Variants in PATJ observed in about 807,000 individuals in gnomAD.
PATJ encodes inaD-like protein.
A neutral mutation model predicts 224.9 loss-of-function variants in PATJ; 190 were observed. That is an observed-to-expected ratio of 0.84 (90% CI 0.75 to 0.95). The LOEUF (loss-of-function observed/expected upper bound fraction) is 0.95. Among genes scored for constraint, PATJ ranks in the 40% least tolerant of loss-of-function variants. The pLI, the probability that PATJ is intolerant of heterozygous loss-of-function variation, is 0.00. For synonymous variants in PATJ, 769 were observed against 820.3 expected (o/e 0.94, Z 1.07); for missense variants, 2,121 against 2,270.3 (o/e 0.93, Z 1.34).
intron 1 of PATJ, among the ~76,000 whole-genome samples, chr1:61,756,344 C>T (rs1324647302): frequency 6.6e-6 from 1 of 152,024 alleles, no homozygotes; most frequent in Non-Finnish European, 1.5e-5. Context: ...AGTGGTTCTT[C>T]AGTTGTGGTG....
intron 27 of PATJ, among the ~76,000 whole-genome samples, chr1:61,930,434 C>CATG (rs1304093095): frequency 6.6e-6 from 1 of 152,204 alleles, no homozygotes; most frequent in African/African-American, 2.4e-5. Flanking sequence ...AAGACTAAGC[C>CATG]TTTGTTTTTA....
intron 7 of PATJ, among the ~76,000 whole-genome samples, chr1:61,780,096 G>C (rs985341380): frequency 5.3e-5 from 8 of 152,124 alleles, no homozygotes; most frequent in South Asian, 2.1e-4. Context: ...ATGAGGTTTG[G>C]GGGGGACAAA....
chr1:61,858,298 C>CGTCAT (rs1664015026), intron 18 of PATJ, among the ~76,000 whole-genome samples: 1 of 152,092 alleles, frequency 6.6e-6, no homozygotes, highest in African/African-American at 2.4e-5. Flanking sequence ...AGCCTCACTC[C>CGTCAT]GTCATCCAAG....
Position 62,158,930 on chromosome 1 carries a change from CAA to C in PATJ, c.5503-1977_5503-1976del, listed in dbSNP as rs571840412. On this transcript the variant is annotated intron_variant, in intron 43 of 43. Coordinates refer to ENST00000642238, the MANE Select transcript of PATJ (RefSeq NM_001350145.3). ...CACCATTGCACTCCAGCCTGGGCGACAAGAGTGAAACTCCTTCTCAAAAAAAT... is the reference window on the plus strand; with the variant it reads ...CACCATTGCACTCCAGCCTGGGCGACGAGTGAAACTCCTTCTCAAAAAAAT... Among the ~76,000 whole-genome samples the C allele has an allele frequency of 5.3e-3, 798 of 151,970 alleles. 8 individuals carry two copies. Among genetic ancestry groups the C allele is most frequent in the African/African-American group, 0.018 (749 of 41,450 alleles).
At chr1:61,943,812 A>G (rs1279223076) in intron 27 of PATJ, among the ~76,000 whole-genome samples, 1 of 152,166 alleles carries the variant, frequency 6.6e-6, no homozygotes, top group East Asian at 1.9e-4. Flanking sequence ...ACCCCCGAGT[A>G]GCCTAACTGG....
Position 62,084,649 on chromosome 1 carries a change from G to C in PATJ, c.4377+1G>C. 6.2e-7 allele frequency: 1 copy of C among 1,611,952 alleles called. No individual in the cohort carries two copies. The highest frequency in any genetic ancestry group is 8.5e-7 in the Non-Finnish European group (1 of 1,179,232). On this transcript the variant is annotated splice_donor_variant, in intron 33 of 43. Transcript: ENST00000642238. LOFTEE classifies it high-confidence loss of function. ...TGTGGGAGGAAAAGACACACCCTTG[G>C]TAAGTTTCTAGAAATAAAATGTATC...
intron 14 of PATJ, among the ~76,000 whole-genome samples, chr1:61,813,364 T>TAC (rs1553167528): frequency 2.0e-5 from 1 of 50,902 alleles, no homozygotes; most frequent in Admixed American, 2.6e-4. Context: ...TATATATATA[T>TAC]ATATATATAT....
chr1:62,036,871 C>CAAAAAAAAAA (rs55761910), intron 29 of PATJ, among the ~76,000 whole-genome samples: 4,294 of 67,266 alleles, frequency 0.064, 684 homozygotes, highest in African/African-American at 0.23. Flanking sequence ...GACTCCATCT[C>CAAAAAAAAAA]AAAAAAAAAA....
chr1:62,081,568 T>A (rs1323500788), intron 32 of PATJ, among the ~76,000 whole-genome samples: 1 of 152,220 alleles, frequency 6.6e-6, no homozygotes. Context: ...TTTATTTACT[T>A]ATCTATTTAT....
intron 30 of PATJ, among the ~76,000 whole-genome samples, chr1:62,048,008 G>A (rs964595634): frequency 2.6e-5 from 4 of 152,174 alleles, no homozygotes; most frequent in Non-Finnish European, 4.4e-5. Flanking sequence ...AGAAATGAGA[G>A]CATCATTTAT....
chr1:61,933,495 C>T (rs895784931), intron 27 of PATJ, among the ~76,000 whole-genome samples: 20 of 148,222 alleles, frequency 1.3e-4, no homozygotes, highest in Non-Finnish European at 4.4e-5. Context: ...GAGCCGAGAT[C>T]GTGCCACTGC....
At chr1:61,869,810 C>T (rs887381601) in intron 20 of PATJ, among the ~76,000 whole-genome samples, 8 of 152,342 alleles carry the variant, frequency 5.3e-5, no homozygotes, top group Non-Finnish European at 5.9e-5. Context: ...TCACTCAGAC[C>T]TGCAGCGTTC....
chr1:61,909,300 T>G (rs974590857), intron 25 of PATJ, among the ~76,000 whole-genome samples: 2 of 152,216 alleles, frequency 1.3e-5, no homozygotes, highest in African/African-American at 4.8e-5. Flanking sequence ...CTTCTGTAAT[T>G]AATTACTCCT....
chr1:62,108,804 A>C (rs946340086), intron 34 of PATJ, among the ~76,000 whole-genome samples: 1 of 151,928 alleles, frequency 6.6e-6, no homozygotes, highest in African/African-American at 2.4e-5. Context: ...TAATATTGCA[A>C]ATTTTTTGCC....
chr1:61,967,025 T>C (rs1328720298), intron 27 of PATJ, among the ~76,000 whole-genome samples: 2 of 152,210 alleles, frequency 1.3e-5, no homozygotes, highest in African/African-American at 4.8e-5. Flanking sequence ...TGTCTCATCC[T>C]GTGACTTAGA....
At chr1:61,997,084 T>C (rs763966597) in intron 28 of PATJ, among the ~76,000 whole-genome samples, 2 of 143,472 alleles carry the variant, frequency 1.4e-5, no homozygotes, top group Non-Finnish European at 3.1e-5. Flanking sequence ...AATAAATTGA[T>C]CAAGTGTTCG....
In PATJ at chr1:61,959,690, C is replaced by T. The variant is rs143948791; in HGVS notation, c.3671-30478C>T. ...CTCCTGGACTCAAGCAATCTTCCCA[C>T]CTTGATCTCCCAGAGTGCTTGGAGC... On this transcript the variant is annotated intron_variant, in intron 27 of 43. Coordinates refer to ENST00000642238, the MANE Select transcript of PATJ (RefSeq NM_001350145.3). 1.1e-3 allele frequency among the ~76,000 whole-genome samples: 161 copies of T among 152,090 alleles called. 1 individual carries two copies. The East Asian group carries it at 0.028, about 27-fold the overall frequency.
Position 61,990,333 on chromosome 1 carries a change from G to A in PATJ, c.3836G>A (p.Gly1279Glu), listed in dbSNP as rs1003160500. ...CCGGAAGGACCTGCTGCCGCAGATG[G>A]ACGAATGCGTATTGGAGATGAACTC... ...INPEGPAAAD[G>E]RMRIGDELLE... Residue 1279 changes from glycine to glutamate, a missense_variant, in exon 28 of 44, where the codon GGA (glycine) becomes GAA (glutamate). Physicochemically the swap from Gly to Glu is moderately conservative, Grantham distance 98. Coordinates refer to ENST00000642238, the MANE Select transcript of PATJ (RefSeq NM_001350145.3). The A allele has an allele frequency of 6.2e-7, 1 of 1,612,890 alleles. No homozygotes were observed. Among genetic ancestry groups the A allele is most frequent in the Non-Finnish European group, 8.5e-7 (1 of 1,179,768 alleles).
At chr1:61,916,898 G>C (rs1295396905) in intron 26 of PATJ, among the ~76,000 whole-genome samples, 3 of 152,158 alleles carry the variant, frequency 2.0e-5, no homozygotes, top group Admixed American at 6.5e-5. Context: ...CAGTTCCTTG[G>C]GGGAGGTGAG....
Sources: gnomAD v4.1 joint callset for allele counts (sites outside exome capture counted in the v4.1 genomes callset) on GRCh38, gnomAD v4.1.1 for gene constraint, MANE v1.5 for transcripts, NCBI Gene and HGNC (gene_info 2026-07-23, HGNC 2026-07-21) for gene names.